KLHDC4: variants seen among roughly 807,000 people sequenced by gnomAD.
KLHDC4 encodes the protein kelch domain containing 4.
A neutral mutation model predicts 62.4 loss-of-function variants in KLHDC4; 90 were observed. The observed-to-expected ratio is 1.44, with a 90% CI of 1.22 to 1.72. The LOEUF is 1.72. Among genes scored for constraint, KLHDC4 ranks in the 40% most tolerant of loss-of-function variants. KLHDC4 has a pLI of 0.00. For synonymous variants in KLHDC4, 386 were observed against 284.4 expected, an observed-to-expected ratio of 1.36 and a Z score of -3.59; for missense variants, 1,025 against 699.7, an observed-to-expected ratio of 1.47 and a Z score of -5.25.
rs1435591076 is a variant in KLHDC4, at chr16:87,714,581, G to T, written c.760-8C>A. 6.2e-7 allele frequency: 1 copy of T among 1,614,074 alleles called. No individual in the cohort carries two copies. The highest frequency in any genetic ancestry group is 1.7e-5 in the Admixed American group (1 of 60,028). On this transcript the variant is annotated splice_region_variant and splice_polypyrimidine_tract_variant and intron_variant, in intron 7 of 11. Transcript: ENST00000270583. ...CACGTCTTTCTTAACTCTCTGCAAT[G>T]GAAAGGAATTGTGTGAGAACCGGGG...
chr16:87,749,566 A>G (rs2043586400), intron 4 of KLHDC4, among the ~76,000 whole-genome samples: 1 of 151,768 alleles, frequency 6.6e-6, no homozygotes, highest in Non-Finnish European at 1.5e-5. Flanking sequence ...AAAAAAAAAA[A>G]AAAAAGAAAG....
At position 87,731,267 on chromosome 16, in the gene KLHDC4, G is replaced by A. The variant is rs2040321863; in HGVS notation, c.507-623C>T. Among the ~76,000 whole-genome samples the A allele has an allele frequency of 2.0e-5, 3 of 151,600 alleles. No homozygotes were observed. In the South Asian group the frequency reaches 6.2e-4, roughly 32 times the overall value. On this transcript the variant is annotated intron_variant, in intron 5 of 11. Coordinates refer to ENST00000270583, the MANE Select transcript of KLHDC4 (RefSeq NM_017566.4). ...TCTAGTACAGATGGGGTTTCACCAT[G>A]TTGGCCAGGCTGGTCTCGAACTCCT... is the stretch of plus-strand genomic sequence containing the variant.
chr16:87,718,288 TCCCTCTCCCTCTCCCTCC>T (rs1180456172), intron 7 of KLHDC4, among the ~76,000 whole-genome samples: 2 of 120,884 alleles, frequency 1.7e-5, no homozygotes, highest in Non-Finnish European at 3.5e-5. Context: ...GCTCTCGCTC[TCCCTCTCCCTCTCCCTCC>T]CCCTCTCCCT....
exon 1 of KLHDC4, chr16:87,701,780 A>T (rs758257506): frequency 6.6e-6 from 3 of 456,704 alleles, no homozygotes; most frequent in African/African-American, 4.0e-5. Context: ...CCCGTCCGCC[A>T]TCCTTCTCCC....
intron 5 of KLHDC4, among the ~76,000 whole-genome samples, chr16:87,737,306 G>C (rs944177665): frequency 6.6e-6 from 1 of 151,730 alleles, no homozygotes; most frequent in Non-Finnish European, 1.5e-5. Context: ...ACTTACCCTA[G>C]GCCAGGGGCG....
intron 8 of KLHDC4, among the ~76,000 whole-genome samples, chr16:87,713,989 G>A (rs926107405): frequency 9.2e-5 from 14 of 152,108 alleles, no homozygotes; most frequent in African/African-American, 2.4e-4. Flanking sequence ...TAGCAGTCTC[G>A]GTGATGACTT....
In KLHDC4 at chr16:87,707,831, T is replaced by C; in HGVS notation, c.*246A>G. ...CGGTGGTCTTGTTTCAAGTCCAATT[T>C]ATTTCACACAACACACAGGCTGCTG... is the stretch of plus-strand genomic sequence containing the variant. On this transcript the variant is annotated 3_prime_UTR_variant, in exon 12 of 12. Coordinates refer to ENST00000270583, the MANE Select transcript of KLHDC4 (RefSeq NM_017566.4). 1 of 397,592 alleles carries C rather than the reference T, an allele frequency of 2.5e-6. No homozygotes were observed. The highest frequency in any genetic ancestry group is 1.8e-5 in the South Asian group (1 of 54,948). 24.6% of individuals were successfully genotyped at this position (397,592 alleles called of 1,614,324 possible).
chr16:87,735,025 C>A (rs1027294849), intron 5 of KLHDC4, among the ~76,000 whole-genome samples: 1 of 140,254 alleles, frequency 7.1e-6, no homozygotes, highest in Non-Finnish European at 1.5e-5. Flanking sequence ...GACGAATTGC[C>A]CGACGCCCCC....
In KLHDC4 at chr16:87,730,410, C is replaced by A. The variant is rs1052245245; in HGVS notation, c.599+142G>T. ...GTGTGAGGCCCTTTGGAGGGCAAGG[C>A]CCTGTGTGGCTGCCCAAAGCTCATG... On this transcript the variant is annotated intron_variant, in intron 6 of 11. Coordinates refer to ENST00000270583, the MANE Select transcript of KLHDC4 (RefSeq NM_017566.4). 1.8e-5 allele frequency: 12 copies of A among 659,298 alleles called. No homozygotes were observed. In the African/African-American group the frequency reaches 2.2e-4, roughly 12 times the overall value. The allele number at this position is 659,298 out of a possible 1,614,324, so 40.8% of individuals were successfully genotyped here. A position where few individuals can be genotyped will look rare whatever the true frequency, so the allele number is the denominator to read the frequency against.
rs577160855 is a variant in KLHDC4 at position 87,763,240 on chromosome 16, C to T, written c.100-1200G>A. Among the ~76,000 whole-genome samples the T allele has an allele frequency of 6.6e-5, 10 of 152,330 alleles. No individual in the cohort carries two copies. In the South Asian group the frequency reaches 1.9e-3, roughly 28 times the overall value. On this transcript the variant is annotated intron_variant, in intron 1 of 11. Transcript: ENST00000270583. ...GAACTCGATGCTTATTAGTCTCACG[C>T]TTTTCTTCAATCTTTTATTACACAT...
chr16:87,750,125 G>C (rs1292076521), intron 4 of KLHDC4: 1 of 152,246 alleles, frequency 6.6e-6, no homozygotes, highest in Non-Finnish European at 1.5e-5. Context: ...GCGGGAGGCA[G>C]AGTCTTTAGG....
At chr16:87,721,844 G>A (rs915933383) in intron 7 of KLHDC4, among the ~76,000 whole-genome samples, 26 of 152,286 alleles carry the variant, frequency 1.7e-4, no homozygotes, top group South Asian at 4.1e-4. Context: ...AGGTCAAAAC[G>A]CAGGCAGGAA....
chr16:87,744,556 C>A (rs1379264012), intron 5 of KLHDC4, among the ~76,000 whole-genome samples: 2 of 150,578 alleles, frequency 1.3e-5, no homozygotes, highest in Non-Finnish European at 1.5e-5. Flanking sequence ...GCACTCCAGC[C>A]TGGGCAACAG....
chr16:87,755,209 C>A lies in KLHDC4; in HGVS notation c.354G>T (p.Arg118Ser), dbSNP rs1178312760. The A allele has an allele frequency of 1.9e-6, 3 of 1,609,610 alleles. No homozygotes were observed. Among genetic ancestry groups the A allele is most frequent in the African/African-American group, 1.3e-5 (1 of 74,932 alleles). ...TKVDIPSPPP[R>S]RCAHQAVVVP... ...CTGACATTACCTGGTGAGCACAGCG[C>A]CTCGGAGGTGGACTGGGGATGTCAA... is the stretch of plus-strand genomic sequence containing the variant. Residue 118 changes from arginine (R) to serine (S), a missense_variant, in exon 4 of 12, where the codon AGG becomes AGT. Physicochemically the swap from Arg to Ser is moderately radical, Grantham distance 110. Transcript: ENST00000270583.
intron 6 of KLHDC4, among the ~76,000 whole-genome samples, chr16:87,728,458 G>C (rs1034377590): frequency 1.3e-5 from 2 of 151,752 alleles, no homozygotes; most frequent in African/African-American, 4.9e-5. Context: ...TCCCAAGTTG[G>C]TATTTGAATA....
Position 87,737,106 on chromosome 16 carries a change from C to CAAAAA in KLHDC4, c.507-6467_507-6463dup, listed in dbSNP as rs55787836. ...CGCCTTTGTACTCCAGCCTGGGCGA[C>CAAAAA]AAAAAAAAAAAAAAAAAAAAAAAGA... is the stretch of plus-strand genomic sequence containing the variant. On this transcript the variant is annotated intron_variant, in intron 5 of 11. Coordinates refer to ENST00000270583, the MANE Select transcript of KLHDC4 (RefSeq NM_017566.4). Among the ~76,000 whole-genome samples, 622 of 64,364 alleles carry CAAAAA rather than the reference C, an allele frequency of 9.7e-3. 54 individuals carry two copies. Among genetic ancestry groups the CAAAAA allele is most frequent in the Non-Finnish European group, 0.013 (446 of 35,254 alleles). The allele number at this position is 64,364 out of a possible 152,430, so 42.2% of individuals were successfully genotyped here. A position where few individuals can be genotyped will look rare whatever the true frequency, so the allele number is the denominator to read the frequency against.
chr16:87,738,424 G>C (rs1442965490), intron 5 of KLHDC4, among the ~76,000 whole-genome samples: 1 of 152,052 alleles, frequency 6.6e-6, no homozygotes, highest in African/African-American at 2.4e-5. Flanking sequence ...TCTCCCAAGT[G>C]CTCCGGTGCA....
At chr16:87,738,026 A>T (rs147214585) in intron 5 of KLHDC4, among the ~76,000 whole-genome samples, 2 of 152,270 alleles carry the variant, frequency 1.3e-5, no homozygotes, top group East Asian at 3.9e-4. Flanking sequence ...TTCATGAGCT[A>T]CTGCTGTTTG....
chr16:87,722,129 C>A (rs541128976), intron 7 of KLHDC4, among the ~76,000 whole-genome samples: 6 of 152,214 alleles, frequency 3.9e-5, no homozygotes, highest in Admixed American at 3.3e-4. Context: ...GTGAATGCTG[C>A]TGGGTCTGCT....
Sources: allele counts gnomAD v4.1 joint callset (sites outside exome capture counted in the v4.1 genomes callset), GRCh38; gene constraint gnomAD v4.1.1; transcripts MANE v1.5; gene names NCBI Gene and HGNC (gene_info 2026-07-23, HGNC 2026-07-21).